The following SEC23A variants were observed in gnomAD, a reference collection of about 807,000 sequenced individuals.
The protein encoded by SEC23A is SEC23 homolog A, COPII component, also known as protein transport protein Sec23A.
Under a neutral mutation model 103.7 loss-of-function variants are expected in SEC23A, and 56 were observed. The ratio of observed to expected loss-of-function variants is 0.54; its 90% CI spans 0.44 to 0.67. The LOEUF (loss-of-function observed/expected upper bound fraction) is 0.67. Ranked by LOEUF, SEC23A falls within the 30% of genes least tolerant of loss-of-function variation. The pLI is 0.00. For missense variants in SEC23A, 784 were observed against 936.4 expected (o/e 0.84, Z 2.12); for synonymous variants, 281 against 293.0 (o/e 0.96, Z 0.42).
intron 5 of SEC23A, chr14:39,091,121 C>A: frequency 2.7e-6 from 1 of 372,120 alleles, no homozygotes; most frequent in African/African-American, 2.2e-5. Context: ...ATAACATGTT[C>A]AATAAAAAAG....
At chr14:39,056,854 AAAGT>A (rs1886268461) in intron 13 of SEC23A, among the ~76,000 whole-genome samples, 1 of 152,194 alleles carries the variant, frequency 6.6e-6, no homozygotes. Flanking sequence ...GAAATCTTCC[AAAGT>A]AAGTGTAAAG....
intron 13 of SEC23A, among the ~76,000 whole-genome samples, chr14:39,060,037 T>A (rs888338795): frequency 6.6e-6 from 1 of 152,128 alleles, no homozygotes; most frequent in Non-Finnish European, 1.5e-5. Context: ...AAAAAGTCCT[T>A]CATTTGGTAT....
At chr14:39,076,680 C>G (rs35395604) in intron 7 of SEC23A, among the ~76,000 whole-genome samples, 41,494 of 151,712 alleles carry the variant, frequency 0.27, 6,653 homozygotes, top group Non-Finnish European at 0.35. Flanking sequence ...AATCCCAGCA[C>G]TTTGGGAGGC....
intron 19 of SEC23A, among the ~76,000 whole-genome samples, chr14:39,038,687 G>A (rs1041647106): frequency 6.6e-6 from 1 of 152,132 alleles, no homozygotes; most frequent in Non-Finnish European, 1.5e-5. Context: ...GATTTGCAGG[G>A]TTCCTGCCCC....
At chr14:39,063,017 T>C (rs1437242715) in intron 12 of SEC23A, among the ~76,000 whole-genome samples, 1 of 152,156 alleles carries the variant, frequency 6.6e-6, no homozygotes, top group Admixed American at 6.5e-5. Context: ...TAGAAGGGAA[T>C]TTTAAATAAC....
rs1381095954 is a variant in SEC23A at position 39,096,215 on chromosome 14, A to G, written c.-21-76T>C. On this transcript the variant is annotated intron_variant, in intron 1 of 19. Coordinates refer to ENST00000307712, the MANE Select transcript of SEC23A (RefSeq NM_006364.4). ...TTCAAAATATGAATGTTCTCCCCTC[A>G]TTCAGCAATATTAACACCTTAGAAA... The G allele has an allele frequency of 4.3e-6, 4 of 928,634 alleles. No homozygotes were observed. In the African/African-American group the frequency reaches 6.6e-5, roughly 15 times the overall value. 57.5% of individuals were successfully genotyped at this position (928,634 alleles called of 1,614,324 possible). A position where few individuals can be genotyped will look rare whatever the true frequency, so the allele number is the denominator to read the frequency against.
At chr14:39,054,784 G>C (rs1886185107) in intron 14 of SEC23A, among the ~76,000 whole-genome samples, 1 of 152,028 alleles carries the variant, frequency 6.6e-6, no homozygotes, top group African/African-American at 2.4e-5. Context: ...CCATTAAAAT[G>C]AAAGTAAAAA....
chr14:39,055,409 G>GTTT, intron 13 of SEC23A, 113 bp from the exon 14 acceptor site: 1 of 940,938 alleles, frequency 1.1e-6, no homozygotes, highest in Non-Finnish European at 1.5e-6. Context: ...AAACTACTAG[G>GTTT]ATTTTTTTTT....
chr14:39,099,816 T>A (rs987721940), intron 1 of SEC23A, among the ~76,000 whole-genome samples: 1 of 152,098 alleles, frequency 6.6e-6, no homozygotes, highest in South Asian at 2.1e-4. Context: ...AAACAATATA[T>A]CACAATAAAC....
At chr14:39,036,417 T>TTTA (rs1885464878) in intron 19 of SEC23A, among the ~76,000 whole-genome samples, 1 of 152,016 alleles carries the variant, frequency 6.6e-6, no homozygotes, top group South Asian at 2.1e-4. Context: ...GCAAAAGCGT[T>TTTA]TTATTAATCT....
At chr14:39,049,295 G>A (rs1040180910) in intron 14 of SEC23A, among the ~76,000 whole-genome samples, 2 of 152,004 alleles carry the variant, frequency 1.3e-5, no homozygotes, top group Non-Finnish European at 2.9e-5. Flanking sequence ...GGCCAACATG[G>A]TGAAACCGCA....
intron 5 of SEC23A, chr14:39,088,723 ACT>A (rs1438576901): frequency 6.6e-6 from 1 of 150,466 alleles, no homozygotes; most frequent in African/African-American, 2.5e-5. Context: ...ACAGAGCGAG[ACT>A]CTGTCTCAGA....
intron 8 of SEC23A, among the ~76,000 whole-genome samples, chr14:39,075,718 C>A (rs1297005436): frequency 2.6e-5 from 4 of 152,102 alleles, no homozygotes; most frequent in African/African-American, 9.7e-5. Context: ...TAAGGAGATA[C>A]CTACTGACAC....
intron 1 of SEC23A, among the ~76,000 whole-genome samples, chr14:39,098,015 G>T (rs903534941): frequency 1.3e-5 from 2 of 152,108 alleles, no homozygotes; most frequent in Admixed American, 1.3e-4. Flanking sequence ...CTTGAACTGG[G>T]GGGGCAGAGG....
chr14:39,060,095 G>GCA (rs1206857176), intron 13 of SEC23A, among the ~76,000 whole-genome samples: 18 of 146,076 alleles, frequency 1.2e-4, no homozygotes, highest in African/African-American at 4.5e-4. Context: ...TTTAATGTGT[G>GCA]CACACACATG....
At chr14:39,087,248 A>G (rs933649039) in intron 5 of SEC23A, among the ~76,000 whole-genome samples, 1 of 152,242 alleles carries the variant, frequency 6.6e-6, no homozygotes, top group Non-Finnish European at 1.5e-5. Context: ...GAGGCATATT[A>G]GCTCAAAAAC....
intron 15 of SEC23A, chr14:39,047,355 A>G: frequency 1.6e-6 from 2 of 1,279,656 alleles, no homozygotes; most frequent in Non-Finnish European, 2.0e-6. Context: ...CAAAACAAAG[A>G]ATTTTACATG....
At chr14:39,067,595 A>G (rs779810511) in intron 9 of SEC23A, among the ~76,000 whole-genome samples, 3 of 151,906 alleles carry the variant, frequency 2.0e-5, no homozygotes, top group Non-Finnish European at 4.4e-5. Context: ...TTCAAAAGGT[A>G]CAGAAGAGTA....
chr14:39,042,702 A>C, intron 17 of SEC23A, 84 bp downstream of exon 17: 1 of 824,242 alleles, frequency 1.2e-6, no homozygotes, highest in Non-Finnish European at 2.1e-6. Context: ...TAGATGAAAC[A>C]CTAGCCATAC....
Sources: allele counts gnomAD v4.1 joint callset (sites outside exome capture counted in the v4.1 genomes callset), GRCh38; gene constraint gnomAD v4.1.1; transcripts MANE v1.5; gene names NCBI Gene and HGNC (gene_info 2026-07-23, HGNC 2026-07-21).